UBL3: variants seen among roughly 807,000 people sequenced by gnomAD.
The protein encoded by UBL3 is ubiquitin like 3.
UBL3 carries 6 observed loss-of-function variants against 18.4 expected under a neutral mutation model. That is an observed-to-expected ratio of 0.33 (90% confidence interval 0.18 to 0.64). The LOEUF (loss-of-function observed/expected upper bound fraction) is 0.64. UBL3 is among the 30% of genes least tolerant of loss of function. The pLI is 0.76. For synonymous variants in UBL3, 49 were observed against 46.6 expected (o/e 1.05, Z -0.21); for missense variants, 109 against 142.9 (o/e 0.76, Z 1.21).
chr13:29,844,263 C>T (rs1879178533), intron 1 of UBL3, among the ~76,000 whole-genome samples: 1 of 152,116 alleles, frequency 6.6e-6, no homozygotes. Context: ...CAATTCTTTT[C>T]CCTTTTGGGG....
intron 1 of UBL3, among the ~76,000 whole-genome samples, chr13:29,835,144 ATATATAT>A (rs1566001112): frequency 1.8e-3 from 27 of 14,996 alleles, no homozygotes; most frequent in Non-Finnish European, 2.7e-3. Context: ...ATATATATAT[ATATATAT>A]ATATATATAT....
intron 2 of UBL3, among the ~76,000 whole-genome samples, chr13:29,775,570 A>G (rs2139310135): frequency 6.6e-6 from 1 of 152,350 alleles, no homozygotes; most frequent in South Asian, 2.1e-4. Flanking sequence ...TCAAGATGAC[A>G]CTGGGGAAGT....
intron 1 of UBL3, among the ~76,000 whole-genome samples, chr13:29,845,226 T>C (rs1224014876): frequency 6.6e-6 from 1 of 152,130 alleles, no homozygotes; most frequent in Admixed American, 6.5e-5. Flanking sequence ...AACAATGTCA[T>C]CTGTTTTCTT....
intron 1 of UBL3, among the ~76,000 whole-genome samples, chr13:29,815,116 G>A (rs1247818042): frequency 6.6e-6 from 1 of 151,958 alleles, no homozygotes; most frequent in Non-Finnish European, 1.5e-5. Context: ...CTAACTCTGC[G>A]CAAAACACAG....
At chr13:29,830,934 A>G (rs1878754976) in intron 1 of UBL3, among the ~76,000 whole-genome samples, 1 of 152,234 alleles carries the variant, frequency 6.6e-6, no homozygotes, top group Non-Finnish European at 1.5e-5. Context: ...ACCAAATTAT[A>G]CAATATTCCT....
At chr13:29,782,364 AAC>A (rs1294466213) in intron 1 of UBL3, among the ~76,000 whole-genome samples, 1 of 152,190 alleles carries the variant, frequency 6.6e-6, no homozygotes, top group Non-Finnish European at 1.5e-5. Context: ...ATTTAAAACT[AAC>A]ACACATCACA....
At chr13:29,803,504 A>G (rs1378094748) in intron 1 of UBL3, among the ~76,000 whole-genome samples, 4 of 152,176 alleles carry the variant, frequency 2.6e-5, no homozygotes, top group Non-Finnish European at 1.5e-5. Flanking sequence ...CGGATAAAGA[A>G]GCAAGATCCA....
chr13:29,787,282 G>GT (rs1467816529), intron 1 of UBL3, among the ~76,000 whole-genome samples: 1 of 152,066 alleles, frequency 6.6e-6, no homozygotes, highest in Non-Finnish European at 1.5e-5. Flanking sequence ...TGCCCAGCAC[G>GT]TAAGTCCCTA....
chr13:29,800,125 C>A (rs1487902417), intron 1 of UBL3, among the ~76,000 whole-genome samples: 1 of 152,184 alleles, frequency 6.6e-6, no homozygotes, highest in Non-Finnish European at 1.5e-5. Flanking sequence ...AGCTTATATT[C>A]ATGATTATTT....
intron 1 of UBL3, among the ~76,000 whole-genome samples, chr13:29,834,437 T>C (rs1878867239): frequency 6.6e-6 from 1 of 152,028 alleles, no homozygotes; most frequent in African/African-American, 2.4e-5. Context: ...ATGAGAAAGA[T>C]TTTATAGCTG....
chr13:29,810,452 C>T (rs1878031174), intron 1 of UBL3, among the ~76,000 whole-genome samples: 2 of 151,888 alleles, frequency 1.3e-5, no homozygotes, highest in Non-Finnish European at 2.9e-5. Context: ...GCTAATGAGA[C>T]AGTAAGAAAA....
chr13:29,843,937 T>C (rs936442731), intron 1 of UBL3, among the ~76,000 whole-genome samples: 9 of 152,232 alleles, frequency 5.9e-5, no homozygotes, highest in African/African-American at 1.9e-4. Context: ...GAACAGCATA[T>C]AGAATACTCA....
At chr13:29,803,742 T>A (rs573777961) in intron 1 of UBL3, among the ~76,000 whole-genome samples, 11 of 152,046 alleles carry the variant, frequency 7.2e-5, no homozygotes, top group Non-Finnish European at 1.0e-4. Context: ...GATCTAACTA[T>A]CCTAAACATA....
Position 29,766,354 on chromosome 13 carries a change from T to C in UBL3, c.*901A>G, listed in dbSNP as rs1217345950. On this transcript the variant is annotated 3_prime_UTR_variant, in exon 5 of 5. Transcript: ENST00000380680. ...GAACTCTAAGGAGTAAGCATGACAC[T>C]GGATGTGGTTACAAATTAATGATAA... 5 of 152,526 alleles carry C rather than the reference T, an allele frequency of 3.3e-5. No individual in the cohort carries two copies. In the South Asian group the frequency reaches 8.3e-4, roughly 25 times the overall value. The allele number at this position is 152,526 out of a possible 1,614,324, so 9.4% of individuals were successfully genotyped here.
At position 29,826,476 on chromosome 13, in the gene UBL3, T is replaced by C. The variant is rs1046443875; in HGVS notation, c.27+23036A>G. Among the ~76,000 whole-genome samples, 6 of 152,250 alleles carry C rather than the reference T, an allele frequency of 3.9e-5. No individual in the cohort carries two copies. The East Asian group carries it at 1.2e-3, about 29-fold the overall frequency. On this transcript the variant is annotated intron_variant, in intron 1 of 4. Coordinates refer to ENST00000380680, the MANE Select transcript of UBL3 (RefSeq NM_007106.4). ...TCCATTTCTTCTAGATTTTCTAGTT[T>C]ATTTGCGTAGAGGTGTTTATAGTAT...
chr13:29,782,475 C>T (rs1000675505), intron 1 of UBL3, among the ~76,000 whole-genome samples: 10 of 152,218 alleles, frequency 6.6e-5, no homozygotes, highest in African/African-American at 2.4e-4. Context: ...AACTCATAGC[C>T]TCTAAATATG....
chr13:29,816,152 A>C (rs916524100), intron 1 of UBL3, among the ~76,000 whole-genome samples: 1 of 152,152 alleles, frequency 6.6e-6, no homozygotes, highest in Non-Finnish European at 1.5e-5. Context: ...TATGAATGAA[A>C]GTATTTTAAC....
chr13:29,847,685 T>C (rs1376778064), intron 1 of UBL3, among the ~76,000 whole-genome samples: 5 of 152,200 alleles, frequency 3.3e-5, no homozygotes. Context: ...TACTTAAGGT[T>C]AACCTATTTT....
chr13:29,836,866 T>C (rs1878974083), intron 1 of UBL3, among the ~76,000 whole-genome samples: 1 of 152,216 alleles, frequency 6.6e-6, no homozygotes, highest in Non-Finnish European at 1.5e-5. Context: ...CAAAAAGATG[T>C]TGAAAAGAGG....
Sources: allele counts gnomAD v4.1 joint callset (sites outside exome capture counted in the v4.1 genomes callset), GRCh38; gene constraint gnomAD v4.1.1; transcripts MANE v1.5; gene names NCBI Gene and HGNC (gene_info 2026-07-23, HGNC 2026-07-21).